Variants in CYFIP2 observed in about 807,000 individuals in gnomAD.
CYFIP2 encodes the protein cytoplasmic FMR1 interacting protein 2.
Under a neutral mutation model 158.7 loss-of-function variants are expected in CYFIP2, and 29 were observed. That is an observed-to-expected ratio of 0.18 (90% CI 0.14 to 0.25). The LOEUF is 0.25. Ranked by LOEUF, CYFIP2 falls within the 10% of genes least tolerant of loss-of-function variation. The pLI, the probability that CYFIP2 is intolerant of heterozygous loss-of-function variation, is 1.00. For synonymous variants in CYFIP2, 585 were observed against 617.6 expected, an observed-to-expected ratio of 0.95 and a Z score of 0.78; for missense variants, 852 against 1,639.5, an observed-to-expected ratio of 0.52 and a Z score of 8.29.
chr5:157,390,439 C>T (rs1767170308), intron 29 of CYFIP2, 82 bp from the exon 30 acceptor site: 2 of 1,359,940 alleles, frequency 1.5e-6, no homozygotes, highest in Non-Finnish European at 2.0e-6. Flanking sequence ...TAGCTGTACT[C>T]CTGGCCCAAG....
intron 13 of CYFIP2, among the ~76,000 whole-genome samples, chr5:157,316,285 AAATATGT>A (rs948764893): frequency 6.6e-6 from 1 of 152,208 alleles, no homozygotes; most frequent in African/African-American, 2.4e-5. Flanking sequence ...ATATGTAAAG[AAATATGT>A]AATATGTCTA....
At chr5:157,323,230 C>G (rs762583877) in intron 15 of CYFIP2, among the ~76,000 whole-genome samples, 2 of 152,222 alleles carry the variant, frequency 1.3e-5, no homozygotes, top group Non-Finnish European at 2.9e-5. Context: ...TAGTAGCCTC[C>G]TGTGTAAGTA....
At chr5:157,312,333 T>A (rs986695069) in intron 11 of CYFIP2, among the ~76,000 whole-genome samples, 4 of 152,004 alleles carry the variant, frequency 2.6e-5, no homozygotes, top group African/African-American at 7.3e-5. Context: ...AAAACTTTTT[T>A]TTTTTAATGG....
intron 26 of CYFIP2, among the ~76,000 whole-genome samples, chr5:157,374,274 A>G (rs1765260843): frequency 6.6e-6 from 1 of 152,196 alleles, no homozygotes; most frequent in Non-Finnish European, 1.5e-5. Flanking sequence ...GCCTTCAGGA[A>G]ATCATAAAAT....
chr5:157,388,748 A>G (rs1236616889), intron 28 of CYFIP2, among the ~76,000 whole-genome samples: 1 of 152,200 alleles, frequency 6.6e-6, no homozygotes, highest in Non-Finnish European at 1.5e-5. Flanking sequence ...CGTCTGTAAA[A>G]TGGGGAGAGT....
chr5:157,298,509 ATTT>A (rs34331931), intron 5 of CYFIP2, among the ~76,000 whole-genome samples: 1,732 of 143,558 alleles, frequency 0.012, 39 homozygotes, highest in African/African-American at 0.04. Flanking sequence ...CTACTTTTGT[ATTT>A]TTTTTTTTTT....
At chr5:157,273,602 A>G (rs1371845274) in intron 1 of CYFIP2, among the ~76,000 whole-genome samples, 1 of 151,662 alleles carries the variant, frequency 6.6e-6, no homozygotes, top group Non-Finnish European at 1.5e-5. Flanking sequence ...GGTTGTATCT[A>G]TTACTCTTTT....
At chr5:157,309,460 G>A (rs1176583723) in intron 9 of CYFIP2, among the ~76,000 whole-genome samples, 2 of 152,194 alleles carry the variant, frequency 1.3e-5, no homozygotes, top group East Asian at 3.9e-4. Flanking sequence ...TCCAGTCCTT[G>A]GCCTTCACAC....
chr5:157,323,852 A>C, intron 15 of CYFIP2, 69 bp from the exon 16 acceptor site: 2 of 1,431,302 alleles, frequency 1.4e-6, no homozygotes, highest in Non-Finnish European at 1.8e-6. Flanking sequence ...TAAATACAAC[A>C]TGAAGCAACC....
intron 21 of CYFIP2, 60 bp from the exon 22 acceptor site, chr5:157,338,997 C>T: frequency 4.7e-6 from 7 of 1,492,092 alleles, no homozygotes; most frequent in Non-Finnish European, 6.3e-6. Context: ...TAAGATAAAA[C>T]ACACACATGT....
chr5:157,288,595 A>G, intron 3 of CYFIP2: 1 of 456,102 alleles, frequency 2.2e-6, no homozygotes, highest in Non-Finnish European at 4.4e-6. Flanking sequence ...CATTTATCGA[A>G]TGCTTTTTCT....
intron 3 of CYFIP2, among the ~76,000 whole-genome samples, chr5:157,290,365 C>T (rs1299635573): frequency 6.6e-6 from 1 of 152,166 alleles, no homozygotes; most frequent in African/African-American, 2.4e-5. Flanking sequence ...TTCCTTGACT[C>T]GTGGCCCCCA....
chr5:157,304,436 C>G, intron 8 of CYFIP2, 70 bp downstream of exon 8: 2 of 1,509,182 alleles, frequency 1.3e-6, no homozygotes, highest in Non-Finnish European at 1.8e-6. Context: ...ATTAAAAATC[C>G]GTTTTAAAAA....
intron 18 of CYFIP2, 33 bp from the exon 19 acceptor site, chr5:157,327,940 C>T (rs1326104239): frequency 6.2e-7 from 1 of 1,604,092 alleles, no homozygotes. Flanking sequence ...GCTGAACGGG[C>T]ACCAGTGATG....
rs1245707971 is a variant in CYFIP2, at chr5:157,311,765, G to A, written c.1094G>A (p.Arg365His). Residue 365 changes from arginine to histidine, a missense_variant, in exon 11 of 31, where the codon CGC becomes CAC. Coordinates refer to ENST00000620254, the MANE Select transcript of CYFIP2 (RefSeq NM_001037333.3). The surrounding 1 kb of genome is among the most constrained non-coding windows in gnomAD (Gnocchi z 4.7). ...ATCCGCTTCATCTCCGAGCTCGCTC[G>A]CTACAGCAACAGTGAGGTGAGCATG... The part of the protein sequence containing the change: ...DHIRFISELA[R>H]YSNSEVVTGS... The A allele has an allele frequency of 3.8e-6, 6 of 1,597,514 alleles. No homozygotes were observed. The highest frequency in any genetic ancestry group is 1.3e-5 in the African/African-American group (1 of 74,572).
chr5:157,337,439 T>C (rs1207665298), intron 21 of CYFIP2, among the ~76,000 whole-genome samples: 1 of 152,240 alleles, frequency 6.6e-6, no homozygotes, highest in Non-Finnish European at 1.5e-5. Flanking sequence ...TTGCCATAGA[T>C]GGACCCACTC....
intron 25 of CYFIP2, 55 bp downstream of exon 25, chr5:157,360,427 AC>A: frequency 6.8e-7 from 1 of 1,479,300 alleles, no homozygotes; most frequent in Non-Finnish European, 9.3e-7. Context: ...GGAGGCTCTG[AC>A]CATCCACCTT....
intron 1 of CYFIP2, 129 bp from the exon 2 acceptor site, chr5:157,285,210 G>GT: frequency 1.6e-6 from 1 of 621,838 alleles, no homozygotes; most frequent in Non-Finnish European, 2.9e-6. Flanking sequence ...GGAAGAAGTG[G>GT]TGAGTGGAAG....
At chr5:157,337,622 A>G (rs1231334650) in intron 21 of CYFIP2, among the ~76,000 whole-genome samples, 2 of 152,326 alleles carry the variant, frequency 1.3e-5, no homozygotes, top group African/African-American at 4.8e-5. Flanking sequence ...TGGGATCTCC[A>G]CCTGACCATG....
Sources: gnomAD v4.1 joint callset for allele counts (sites outside exome capture counted in the v4.1 genomes callset) on GRCh38, gnomAD v4.1.1 for gene constraint, Gnocchi (gnomAD v3.1) non-coding constraint, MANE v1.5 for transcripts, NCBI Gene and HGNC (gene_info 2026-07-23, HGNC 2026-07-21) for gene names.